Variants in CLVS1 observed in about 807,000 individuals in gnomAD.
The protein encoded by CLVS1 is clavesin 1, also known as clavesin-1.
In CLVS1, 10 loss-of-function variants were observed where a neutral mutation model predicts 33.1. The ratio of observed to expected loss-of-function variants is 0.30; its 90% CI spans 0.19 to 0.51. The LOEUF (loss-of-function observed/expected upper bound fraction) is 0.51. Among genes scored for constraint, CLVS1 ranks in the 20% least tolerant of loss-of-function variants. The pLI, the probability that CLVS1 is intolerant of heterozygous loss-of-function variation, is 0.97. For missense variants in CLVS1, 343 were observed against 433.4 expected (o/e 0.79, Z 1.85); for synonymous variants, 163 against 166.1 (o/e 0.98, Z 0.14).
intron 2 of CLVS1, among the ~76,000 whole-genome samples, chr8:61,243,211 C>CT (rs953141892): frequency 3.9e-5 from 6 of 152,060 alleles, no homozygotes; most frequent in Non-Finnish European, 7.4e-5. Flanking sequence ...GACTGCTCTT[C>CT]TTTTTTTAAA....
intron 2 of CLVS1, among the ~76,000 whole-genome samples, chr8:61,211,959 A>T (rs959496098): frequency 6.6e-6 from 1 of 152,182 alleles, no homozygotes. Context: ...TGGCCTCTGG[A>T]AGCTGGAAAA....
At chr8:61,476,946 G>A (rs1817960990) in intron 5 of CLVS1, among the ~76,000 whole-genome samples, 2 of 152,128 alleles carry the variant, frequency 1.3e-5, no homozygotes, top group Non-Finnish European at 2.9e-5. Flanking sequence ...GTCATAGATA[G>A]CTCTTATTAT....
intron 1 of CLVS1, among the ~76,000 whole-genome samples, chr8:61,104,279 T>G (rs1400091312): frequency 2.0e-5 from 3 of 152,198 alleles, no homozygotes; most frequent in Non-Finnish European, 4.4e-5. Flanking sequence ...TCAGGCTAGA[T>G]TCATCATTTG....
At chr8:61,133,240 G>A (rs9298048) in intron 2 of CLVS1, among the ~76,000 whole-genome samples, 40,270 of 151,904 alleles carry the variant, frequency 0.27, 5,857 homozygotes, top group East Asian at 0.57. Context: ...ATAGACAGCT[G>A]TAAAAGATAG....
At chr8:61,302,219 G>A (rs1302211569) in intron 2 of CLVS1, among the ~76,000 whole-genome samples, 1 of 152,134 alleles carries the variant, frequency 6.6e-6, no homozygotes, top group Non-Finnish European at 1.5e-5. Flanking sequence ...AATTTGGTCA[G>A]GACTCCACCT....
chr8:61,297,886 C>T (rs965040543), intron 1 of CLVS1, among the ~76,000 whole-genome samples: 1 of 152,120 alleles, frequency 6.6e-6, no homozygotes, highest in Non-Finnish European at 1.5e-5. Context: ...AGAAAGCTCA[C>T]CTACAGTAGC....
At chr8:61,275,927 C>T (rs960744935) in intron 2 of CLVS1, among the ~76,000 whole-genome samples, 1 of 152,136 alleles carries the variant, frequency 6.6e-6, no homozygotes, top group Non-Finnish European at 1.5e-5. Flanking sequence ...TTAAGAAGAT[C>T]ATATGGTTTT....
chr8:61,267,761 A>G (rs551764534), intron 2 of CLVS1, among the ~76,000 whole-genome samples: 1 of 152,372 alleles, frequency 6.6e-6, no homozygotes, highest in South Asian at 2.1e-4. Context: ...GTTTATATAT[A>G]TAACAAATGT....
In CLVS1 at chr8:61,299,855, T is replaced by C; in HGVS notation, c.28T>C (p.Tyr10His). 6.2e-7 allele frequency: 1 copy of C among 1,612,226 alleles called. No homozygotes were observed. Among genetic ancestry groups the C allele is most frequent in the Non-Finnish European group, 8.5e-7 (1 of 1,178,934 alleles). Residue 10 changes from tyrosine to histidine, a missense_variant, in exon 2 of 6, where the codon TAT becomes CAT. Transcript: ENST00000325897. Reference sequence around the variant, plus strand: ...GGGACCAGTCTCTCTTCTTCCAAAATATCAGAAGTTAAACACTTGGAACGG... The same window carrying C: ...GGGACCAGTCTCTCTTCTTCCAAAACATCAGAAGTTAAACACTTGGAACGG... MGPVSLLPK[Y>H]QKLNTWNGDL...
At chr8:61,247,652 T>C (rs1274877166) in intron 2 of CLVS1, among the ~76,000 whole-genome samples, 1 of 152,212 alleles carries the variant, frequency 6.6e-6, no homozygotes, top group Non-Finnish European at 1.5e-5. Flanking sequence ...GGTTGTTTTC[T>C]CTTATACATT....
At chr8:61,023,973 A>G in the CLVS1 span, among the ~76,000 whole-genome samples, 7 of 152,304 alleles carry the variant, frequency 4.6e-5, no homozygotes, top group Non-Finnish European at 8.8e-5. Flanking sequence ...GTTCTTCTTT[A>G]TAAAAGCCCA....
intron 1 of CLVS1, among the ~76,000 whole-genome samples, chr8:61,070,336 C>T (rs1047232047): frequency 6.6e-6 from 1 of 152,204 alleles, no homozygotes; most frequent in African/African-American, 2.4e-5. Context: ...GGCTTGCTTG[C>T]TGGGCTACAG....
At position 61,299,840 on chromosome 8, in the gene CLVS1, T is replaced by A. The variant is rs754414771; in HGVS notation, c.13T>A (p.Ser5Thr). MGPV[S>T]LLPKYQKLNT... is the part of the protein sequence containing the mutation. ...GACCATCAGGTGAATGGGACCAGTCTCTCTTCTTCCAAAATATCAGAAGTT... is the reference window on the plus strand; with the variant it reads ...GACCATCAGGTGAATGGGACCAGTCACTCTTCTTCCAAAATATCAGAAGTT... Residue 5 changes from serine to threonine, a missense_variant, in exon 2 of 6, where the codon TCT becomes ACT. By Grantham distance (58) the Ser-to-Thr change is moderately conservative (BLOSUM62 1). This residue lies in a region of CLVS1 where 88 missense variants were observed against 77.3 expected (regional missense o/e 1.14). Transcript: ENST00000325897. 11 of 1,609,998 alleles carry A rather than the reference T, an allele frequency of 6.8e-6. No homozygotes were observed.
intron 1 of CLVS1, among the ~76,000 whole-genome samples, chr8:61,065,168 G>A (rs189006310): frequency 6.6e-6 from 1 of 152,268 alleles, no homozygotes; most frequent in Admixed American, 6.5e-5. Context: ...AAACGATGTG[G>A]TATTTGCATT....
intron 5 of CLVS1, among the ~76,000 whole-genome samples, chr8:61,468,945 A>G (rs1817648381): frequency 1.3e-5 from 2 of 152,102 alleles, no homozygotes; most frequent in African/African-American, 2.4e-5. Flanking sequence ...ACCACACCCC[A>G]CGAGGTGCTG....
intron 2 of CLVS1, among the ~76,000 whole-genome samples, chr8:61,184,202 G>A (rs1382077784): frequency 6.6e-6 from 1 of 152,202 alleles, no homozygotes; most frequent in African/African-American, 2.4e-5. Context: ...ATCAAGGAGT[G>A]GAAGGAACCT....
At chr8:61,076,891 C>T (rs1585591987) in intron 1 of CLVS1, among the ~76,000 whole-genome samples, 2 of 152,184 alleles carry the variant, frequency 1.3e-5, no homozygotes, top group East Asian at 3.9e-4. Flanking sequence ...TCCCATATTA[C>T]CCTTTTCCTC....
At chr8:61,268,228 C>G (rs1809354048) in intron 2 of CLVS1, among the ~76,000 whole-genome samples, 1 of 143,588 alleles carries the variant, frequency 7.0e-6, no homozygotes, top group Admixed American at 7.6e-5. Context: ...CATGTGATCT[C>G]ATTGTTCAAT....
chr8:61,169,222 A>C (rs1361987817), intron 2 of CLVS1, among the ~76,000 whole-genome samples: 1 of 152,194 alleles, frequency 6.6e-6, no homozygotes, highest in East Asian at 1.9e-4. Flanking sequence ...GATACCCCAA[A>C]GTATGGTGCT....
Sources: gnomAD v4.1 joint callset for allele counts (sites outside exome capture counted in the v4.1 genomes callset) on GRCh38, gnomAD v4.1.1 for gene constraint, gnomAD v4.1.1 regional missense constraint, MANE v1.5 for transcripts, NCBI Gene and HGNC (gene_info 2026-07-23, HGNC 2026-07-21) for gene names.